Variants in EZH1 observed in about 807,000 individuals in gnomAD.
EZH1 encodes the protein histone-lysine N-methyltransferase EZH1.
A neutral mutation model predicts 100.5 loss-of-function variants in EZH1; 33 were observed. That is an observed-to-expected ratio of 0.33 (90% CI 0.25 to 0.44). EZH1 has a LOEUF of 0.44. Among genes scored for constraint, EZH1 ranks in the 20% least tolerant of loss-of-function variants. The probability of loss-of-function intolerance (pLI) is 1.00; values close to 1 mark genes in which losing one functional copy is unlikely to be tolerated. For missense variants in EZH1, 475 were observed against 928.4 expected, an observed-to-expected ratio of 0.51 and a Z score of 6.35; for synonymous variants, 272 against 313.8, an observed-to-expected ratio of 0.87 and a Z score of 1.41.
At chr17:42,716,558 T>C (rs1463752317) in intron 10 of EZH1, among the ~76,000 whole-genome samples, 5 of 152,194 alleles carry the variant, frequency 3.3e-5, no homozygotes, top group Non-Finnish European at 7.3e-5. Flanking sequence ...ATTTCAGGCA[T>C]TGGCAGCATC....
intron 7 of EZH1, among the ~76,000 whole-genome samples, chr17:42,719,672 G>C (rs150806693): frequency 0.011 from 1,653 of 152,288 alleles, 25 homozygotes; most frequent in African/African-American, 0.038. Flanking sequence ...GGGAGGTGGA[G>C]GTTGCAGTGA....
intron 6 of EZH1, among the ~76,000 whole-genome samples, chr17:42,722,539 C>T (rs2053731608): frequency 1.3e-5 from 2 of 149,856 alleles, no homozygotes; most frequent in African/African-American, 4.9e-5. Context: ...GCAGAAGAAT[C>T]ACTTGAACCC....
At chr17:42,733,285 C>T (rs2053990253) in intron 1 of EZH1, among the ~76,000 whole-genome samples, 1 of 146,144 alleles carries the variant, frequency 6.8e-6, no homozygotes, top group Non-Finnish European at 1.5e-5. Context: ...TGCGACGAGC[C>T]GAGATTGCGC....
intron 18 of EZH1, among the ~76,000 whole-genome samples, chr17:42,704,073 G>A (rs976083735): frequency 2.0e-5 from 3 of 152,198 alleles, no homozygotes; most frequent in African/African-American, 7.2e-5. Context: ...CTCAGGTAAA[G>A]ACGCTCAGCA....
intron 6 of EZH1, among the ~76,000 whole-genome samples, chr17:42,721,826 G>A (rs2053711918): frequency 6.6e-6 from 1 of 151,772 alleles, no homozygotes; most frequent in African/African-American, 2.4e-5. Flanking sequence ...CCTGGGCAAC[G>A]TGGTGAGACT....
At chr17:42,743,443 T>C (rs1306233645) in intron 1 of EZH1, among the ~76,000 whole-genome samples, 1 of 151,510 alleles carries the variant, frequency 6.6e-6, no homozygotes, top group South Asian at 2.1e-4. Flanking sequence ...AGTGTTGGGA[T>C]TACAGGCATG....
chr17:42,725,801 C>G (rs543146240), intron 4 of EZH1, among the ~76,000 whole-genome samples: 1 of 152,176 alleles, frequency 6.6e-6, no homozygotes, highest in Admixed American at 6.5e-5. Flanking sequence ...AGGGATAGTA[C>G]ATGGAGAAGC....
At chr17:42,711,889 GAGCAGCAGCTGCAGCAGCTGC>G (rs1390198637) in intron 12 of EZH1, among the ~76,000 whole-genome samples, 2 of 86,390 alleles carry the variant, frequency 2.3e-5, no homozygotes, top group Non-Finnish European at 4.3e-5. Flanking sequence ...GTGGTGGAGG[GAGCAGCAGCTGCAGCAGCTGC>G]AGCAGCAGCA....
intron 1 of EZH1, 115 bp downstream of exon 1, chr17:42,744,896 C>T (rs371173321): frequency 5.4e-6 from 6 of 1,118,440 alleles, no homozygotes; most frequent in Non-Finnish European, 6.9e-6. Flanking sequence ...GGCAGTGTGT[C>T]CCTCGGATTC....
intron 14 of EZH1, 187 bp from the exon 15 acceptor site, chr17:42,708,270 T>G: frequency 1.7e-6 from 1 of 595,592 alleles, no homozygotes; most frequent in South Asian, 2.1e-5. Context: ...TGATCTGCTT[T>G]GTGGGGAGGG....
In EZH1 at chr17:42,706,859, A is replaced by G. The variant is rs1258552312; in HGVS notation, c.1661-674T>C. On this transcript the variant is annotated intron_variant, in intron 15 of 20. Coordinates refer to ENST00000428826, the MANE Select transcript of EZH1 (RefSeq NM_001991.5). This position sits in a 1 kb window ranked among gnomAD's most constrained non-coding sequence, Gnocchi z 4.4. ...CATCAAAACAAGTATCATTTTGAGAACAGAATGCATCCGTTCTATGCCATC... is the reference window on the plus strand; with the variant it reads ...CATCAAAACAAGTATCATTTTGAGAGCAGAATGCATCCGTTCTATGCCATC... 6.6e-6 allele frequency among the ~76,000 whole-genome samples: 1 copy of G among 152,188 alleles called. No homozygotes were observed. The highest frequency in any genetic ancestry group is 1.5e-5 in the Non-Finnish European group (1 of 68,036).
chr17:42,703,234 GCA>G, intron 19 of EZH1: 6 of 385,622 alleles, frequency 1.6e-5, no homozygotes, highest in Non-Finnish European at 2.9e-5. Context: ...GAGTGCAGTG[GCA>G]TGATCTTGGC....
At chr17:42,712,033 A>C (rs889048965) in intron 12 of EZH1, among the ~76,000 whole-genome samples, 1 of 151,882 alleles carries the variant, frequency 6.6e-6, no homozygotes, top group African/African-American at 2.4e-5. Flanking sequence ...AGAGTGTAGG[A>C]CCCAGAAGCA....
chr17:42,727,034 G>A (rs2053834621), intron 4 of EZH1, among the ~76,000 whole-genome samples: 1 of 151,580 alleles, frequency 6.6e-6, no homozygotes, highest in Non-Finnish European at 1.5e-5. Context: ...ATTTTTAGTA[G>A]AGACAGTGTT....
chr17:42,709,002 G>A, intron 13 of EZH1, 86 bp from the exon 14 acceptor site: 1 of 1,500,342 alleles, frequency 6.7e-7, no homozygotes, highest in South Asian at 1.1e-5. Flanking sequence ...CTTGCTCTGA[G>A]GGACTGTGTT....
chr17:42,714,370 C>A, intron 10 of EZH1: 1 of 296,464 alleles, frequency 3.4e-6, no homozygotes, highest in Non-Finnish European at 6.8e-6. Context: ...CTGTCCTGAG[C>A]CCCTGGTAAT....
At chr17:42,731,833 G>A (rs560157493) in intron 1 of EZH1, 1 of 152,336 alleles carries the variant, frequency 6.6e-6, no homozygotes, top group African/African-American at 2.4e-5. Flanking sequence ...CCGGGAGGCA[G>A]AGGTTGCAGT....
intron 14 of EZH1, among the ~76,000 whole-genome samples, chr17:42,708,516 A>G (rs899866963): frequency 6.6e-6 from 1 of 152,108 alleles, no homozygotes; most frequent in African/African-American, 2.4e-5. Context: ...TTAGCCAGGC[A>G]TGGTGGTACA....
Position 42,724,419 on chromosome 17 carries a change from G to C in EZH1, c.252C>G (p.Thr84=). ...VSGHPFLKKC[T]IESIFPGFAS... ...CAAATCCCGGGAAAATGCTCTCTATGGTACACTGAAATATAAGCAATGACA... is the reference window on the plus strand; with the variant it reads ...CAAATCCCGGGAAAATGCTCTCTATCGTACACTGAAATATAAGCAATGACA... The change falls in exon 5 of 21, where the codon ACC becomes ACG. Residue 84 remains threonine (T), a synonymous_variant. Transcript: ENST00000428826. The C allele has an allele frequency of 6.2e-7, 1 of 1,613,640 alleles. No individual in the cohort carries two copies. Among genetic ancestry groups the C allele is most frequent in the Non-Finnish European group, 8.5e-7 (1 of 1,179,752 alleles).
Sources: allele counts gnomAD v4.1 joint callset (sites outside exome capture counted in the v4.1 genomes callset), GRCh38; gene constraint gnomAD v4.1.1; non-coding constraint Gnocchi (gnomAD v3.1); transcripts MANE v1.5; gene names NCBI Gene and HGNC (gene_info 2026-07-23, HGNC 2026-07-21).